PRTG: variants seen among roughly 807,000 people sequenced by gnomAD.
PRTG encodes the protein protogenin, also known as immunoglobulin superfamily, DCC subclass, member 5.
In PRTG, 67 loss-of-function variants were observed where a neutral mutation model predicts 122.5. That is an observed-to-expected ratio of 0.55 (90% CI 0.45 to 0.67). PRTG has a LOEUF of 0.67. Among genes scored for constraint, PRTG ranks in the 30% least tolerant of loss-of-function variants. The pLI is 0.00. For synonymous variants in PRTG, 554 were observed against 501.1 expected, an observed-to-expected ratio of 1.11 and a Z score of -1.41; for missense variants, 1,435 against 1,415.4, an observed-to-expected ratio of 1.01 and a Z score of -0.22.
intron 4 of PRTG, 37 bp from the exon 5 acceptor site, chr15:55,680,665 A>G (rs755970395): frequency 7.5e-7 from 1 of 1,333,384 alleles, no homozygotes; most frequent in South Asian, 1.9e-5. Context: ...AAAATAAATT[A>G]TAAATAAGAT....
At chr15:55,689,471 G>A (rs1468990855) in intron 2 of PRTG, among the ~76,000 whole-genome samples, 1 of 151,738 alleles carries the variant, frequency 6.6e-6, no homozygotes, top group East Asian at 1.9e-4. Context: ...GTGAGCGTTT[G>A]CAAAAAAAAG....
chr15:55,704,776 CTCTT>C (rs1393932065), intron 2 of PRTG, among the ~76,000 whole-genome samples: 5 of 152,188 alleles, frequency 3.3e-5, no homozygotes, highest in African/African-American at 7.2e-5. Context: ...AAATGCCTCT[CTCTT>C]TCATCTTCTC....
intron 2 of PRTG, among the ~76,000 whole-genome samples, chr15:55,707,696 C>A (rs925384203): frequency 3.3e-5 from 5 of 152,156 alleles, no homozygotes; most frequent in Non-Finnish European, 5.9e-5. Context: ...GGCTGTCAAG[C>A]GTCACATTCA....
chr15:55,737,134 G>T (rs1346308044), intron 2 of PRTG, among the ~76,000 whole-genome samples: 2 of 152,126 alleles, frequency 1.3e-5, no homozygotes, highest in Non-Finnish European at 2.9e-5. Flanking sequence ...GTGAAAACTT[G>T]ATTTGCTAAA....
intron 11 of PRTG, among the ~76,000 whole-genome samples, chr15:55,654,620 C>T (rs1330497703): frequency 2.6e-5 from 4 of 152,206 alleles, no homozygotes; most frequent in African/African-American, 9.6e-5. Flanking sequence ...ACTCATGCTA[C>T]TGTACTTGGC....
At chr15:55,702,289 C>A (rs1444874387) in intron 2 of PRTG, among the ~76,000 whole-genome samples, 1 of 152,154 alleles carries the variant, frequency 6.6e-6, no homozygotes, top group Non-Finnish European at 1.5e-5. Context: ...ACTAGAGACC[C>A]CTTTAATATT....
intron 2 of PRTG, among the ~76,000 whole-genome samples, chr15:55,712,235 T>G (rs527633863): frequency 6.6e-6 from 1 of 152,240 alleles, no homozygotes; most frequent in African/African-American, 2.4e-5. Context: ...AGAGGGTTAA[T>G]GAATCAATTG....
chr15:55,661,895 TAAA>T (rs11351086), intron 11 of PRTG, among the ~76,000 whole-genome samples: 1 of 147,566 alleles, frequency 6.8e-6, no homozygotes. Context: ...GCTTAATACT[TAAA>T]AAAAAAAAAA....
chr15:55,646,563 C>A (rs1040895687), intron 11 of PRTG, among the ~76,000 whole-genome samples: 1 of 150,644 alleles, frequency 6.6e-6, no homozygotes, highest in Non-Finnish European at 1.5e-5. Flanking sequence ...ACCTCGTGAT[C>A]CACCCGCCTC....
chr15:55,717,437 GA>G (rs1344692979), intron 2 of PRTG, among the ~76,000 whole-genome samples: 1 of 152,038 alleles, frequency 6.6e-6, no homozygotes, highest in African/African-American at 2.4e-5. Flanking sequence ...CTACGCAAGA[GA>G]AAAAAAGCAA....
intron 18 of PRTG, among the ~76,000 whole-genome samples, chr15:55,621,000 G>T (rs1237788616): frequency 6.6e-6 from 1 of 152,132 alleles, no homozygotes; most frequent in Non-Finnish European, 1.5e-5. Context: ...GTAAGCATTA[G>T]TACACAAAAT....
Position 55,628,799 on chromosome 15 carries a change from A to G in PRTG, c.2806+23T>C, listed in dbSNP as rs769197282. 3 of 1,549,654 alleles carry G rather than the reference A, an allele frequency of 1.9e-6. No individual in the cohort carries two copies. In the South Asian group the frequency reaches 3.7e-5, roughly 19 times the overall value. ...CACTTTTTTTCTTAAGAAAAATCACAGTGACTACGGCAGTATACAGACCTT... is the reference window on the plus strand; with the variant it reads ...CACTTTTTTTCTTAAGAAAAATCACGGTGACTACGGCAGTATACAGACCTT... On this transcript the variant is annotated intron_variant, in intron 16 of 19. Coordinates refer to ENST00000389286, the MANE Select transcript of PRTG (RefSeq NM_173814.6).
chr15:55,667,466 A>G (rs1407410115), intron 11 of PRTG, among the ~76,000 whole-genome samples: 6 of 152,066 alleles, frequency 3.9e-5, no homozygotes, highest in Non-Finnish European at 5.9e-5. Flanking sequence ...AGTATCAATC[A>G]TATTTGGCAT....
chr15:55,672,330 T>C (rs956988573), intron 11 of PRTG, 115 bp downstream of exon 11: 6 of 835,242 alleles, frequency 7.2e-6, no homozygotes, highest in Non-Finnish European at 1.1e-5. Context: ...CATAGTAAAA[T>C]CAATTCTTTT....
At chr15:55,702,969 T>C (rs2029949168) in intron 2 of PRTG, 4 of 969,240 alleles carry the variant, frequency 4.1e-6, no homozygotes, top group Non-Finnish European at 4.9e-6. Context: ...TCTAAACCTA[T>C]CTTGGGAATT....
chr15:55,685,667 T>C, intron 2 of PRTG, among the ~76,000 whole-genome samples: 1 of 152,340 alleles, frequency 6.6e-6, no homozygotes, highest in Non-Finnish European at 1.5e-5. Flanking sequence ...GTTATATTAA[T>C]ATGTGATGCA....
At chr15:55,719,214 T>C (rs1249954526) in intron 2 of PRTG, among the ~76,000 whole-genome samples, 1 of 152,220 alleles carries the variant, frequency 6.6e-6, no homozygotes, top group Non-Finnish European at 1.5e-5. Flanking sequence ...TTCATTGTCC[T>C]AATTGATTTT....
intron 2 of PRTG, among the ~76,000 whole-genome samples, chr15:55,736,370 A>G (rs1177194179): frequency 7.1e-6 from 1 of 141,594 alleles, no homozygotes; most frequent in Non-Finnish European, 1.5e-5. Context: ...TCAACGTATC[A>G]CTTCCCCATC....
At chr15:55,632,337 T>C (rs1463588316) in intron 15 of PRTG, among the ~76,000 whole-genome samples, 1 of 152,190 alleles carries the variant, frequency 6.6e-6, no homozygotes, top group Non-Finnish European at 1.5e-5. Context: ...TTACCACTCC[T>C]GTCCAAGCCC....
Sources: gnomAD v4.1 joint callset for allele counts (sites outside exome capture counted in the v4.1 genomes callset) on GRCh38, gnomAD v4.1.1 for gene constraint, MANE v1.5 for transcripts, NCBI Gene and HGNC (gene_info 2026-07-23, HGNC 2026-07-21) for gene names.